PIWIL2: variants seen among roughly 807,000 people sequenced by gnomAD.
PIWIL2 encodes the protein piwi-like protein 2.
A neutral mutation model predicts 116.5 loss-of-function variants in PIWIL2; 81 were observed. That is an observed-to-expected ratio of 0.70 (90% CI 0.58 to 0.84). The LOEUF (loss-of-function observed/expected upper bound fraction) is 0.84. Among genes scored for constraint, PIWIL2 ranks in the 40% least tolerant of loss-of-function variants. PIWIL2 has a pLI of 0.00. For missense variants in PIWIL2, 1,272 were observed against 1,212.3 expected, an observed-to-expected ratio of 1.05 and a Z score of -0.73; for synonymous variants, 489 against 429.5, an observed-to-expected ratio of 1.14 and a Z score of -1.71.
At chr8:22,294,974 G>A (rs1467912254) in intron 10 of PIWIL2, among the ~76,000 whole-genome samples, 2 of 148,206 alleles carry the variant, frequency 1.3e-5, no homozygotes, top group African/African-American at 5.0e-5. Flanking sequence ...AGCTACTCCA[G>A]AGGCTGAGGC....
At chr8:22,335,716 T>TTTG (rs769033434) in intron 20 of PIWIL2, among the ~76,000 whole-genome samples, 4 of 152,092 alleles carry the variant, frequency 2.6e-5, no homozygotes, top group East Asian at 1.9e-4. Context: ...CCCAGCTAAA[T>TTTG]TTGTTGTTGT....
At chr8:22,338,563 G>A (rs1388169084) in intron 20 of PIWIL2, among the ~76,000 whole-genome samples, 1 of 151,884 alleles carries the variant, frequency 6.6e-6, no homozygotes, top group Non-Finnish European at 1.5e-5. Flanking sequence ...GTGGTGGTGC[G>A]TGCCTGTAAT....
chr8:22,283,892 G>A (rs755409335), intron 5 of PIWIL2, among the ~76,000 whole-genome samples: 2 of 152,162 alleles, frequency 1.3e-5, no homozygotes, highest in Non-Finnish European at 2.9e-5. Context: ...ACTCATTCTT[G>A]TGTTCCTAGT....
intron 10 of PIWIL2, among the ~76,000 whole-genome samples, chr8:22,302,283 G>T (rs1831068758): frequency 6.6e-6 from 1 of 152,074 alleles, no homozygotes; most frequent in Admixed American, 6.5e-5. Context: ...CCGGGTTCAA[G>T]TGATTCTCCT....
intron 13 of PIWIL2, among the ~76,000 whole-genome samples, chr8:22,307,257 A>C (rs1831204697): frequency 6.6e-6 from 1 of 151,784 alleles, no homozygotes; most frequent in African/African-American, 2.4e-5. Context: ...CCTGGGCTCA[A>C]GTGATCTGCC....
At chr8:22,295,580 C>CT (rs139679539) in intron 10 of PIWIL2, among the ~76,000 whole-genome samples, 7,537 of 152,170 alleles carry the variant, frequency 0.05, 290 homozygotes, top group Admixed American at 0.086. Flanking sequence ...CATGGACCCT[C>CT]TCAGTGTAGC....
chr8:22,325,839 A>G (rs1343818240), intron 20 of PIWIL2, among the ~76,000 whole-genome samples: 3 of 152,130 alleles, frequency 2.0e-5, no homozygotes, highest in Non-Finnish European at 4.4e-5. Flanking sequence ...CAGGTATGCA[A>G]AATCCAGTCT....
Position 22,330,178 on chromosome 8 carries a change from G to A in PIWIL2, c.2403+11903G>A, listed in dbSNP as rs1019684063. Among the ~76,000 whole-genome samples the A allele has an allele frequency of 7.9e-5, 12 of 151,890 alleles. 1 individual carries two copies. Among genetic ancestry groups the A allele is most frequent in the Middle Eastern group, 6.8e-3 (2 of 294 alleles). On this transcript the variant is annotated intron_variant, in intron 20 of 22. Transcript: ENST00000356766. ...ACTGGATATAATCTCAACTGACATC[G>A]TTTCTGGTTTCCTAATTATTTCTTC... is the stretch of plus-strand genomic sequence containing the variant.
intron 20 of PIWIL2, among the ~76,000 whole-genome samples, chr8:22,338,324 T>TA (rs1254022036): frequency 6.6e-6 from 1 of 152,216 alleles, no homozygotes; most frequent in African/African-American, 2.4e-5. Flanking sequence ...ACACAGTTAT[T>TA]ACACAAAAGT....
At chr8:22,280,978 T>C (rs1160569046) in intron 2 of PIWIL2, 142 bp from the exon 3 acceptor site, 1 of 563,652 alleles carries the variant, frequency 1.8e-6, no homozygotes, top group African/African-American at 1.9e-5. Flanking sequence ...AGGTATTTTT[T>C]AAAGTTTATA....
At chr8:22,317,483 C>T (rs1023449047) in intron 19 of PIWIL2, among the ~76,000 whole-genome samples, 22 of 151,926 alleles carry the variant, frequency 1.4e-4, no homozygotes, top group Non-Finnish European at 1.5e-5. Flanking sequence ...TGTACATTTT[C>T]CTGTATCATT....
At position 22,355,860 on chromosome 8, in the gene PIWIL2, T is replaced by A. The variant is rs565470425; in HGVS notation, c.*355T>A. The A allele has an allele frequency of 4.3e-6, 1 of 231,868 alleles. No individual in the cohort carries two copies. The highest frequency in any genetic ancestry group is 2.2e-5 in the African/African-American group (1 of 45,296). The allele number at this position is 231,868 out of a possible 1,614,324, so 14.4% of individuals were successfully genotyped here. On this transcript the variant is annotated 3_prime_UTR_variant, in exon 23 of 23. Coordinates refer to ENST00000356766, the MANE Select transcript of PIWIL2 (RefSeq NM_018068.5). ...AGGCCGAGGCGGGTGGATCATGAGG[T>A]CAGGAGATCAAGACCATCCTGGCCA...
intron 20 of PIWIL2, among the ~76,000 whole-genome samples, chr8:22,334,717 A>AT (rs1439706297): frequency 6.6e-6 from 1 of 151,984 alleles, no homozygotes; most frequent in Non-Finnish European, 1.5e-5. Flanking sequence ...AAGCACTGGG[A>AT]TTACAGGTAT....
chr8:22,307,604 T>C (rs888574441), intron 13 of PIWIL2, among the ~76,000 whole-genome samples: 6 of 149,378 alleles, frequency 4.0e-5, no homozygotes, highest in Non-Finnish European at 7.4e-5. Flanking sequence ...TGCCTCAGCC[T>C]CCTGAGTAGC....
intron 20 of PIWIL2, among the ~76,000 whole-genome samples, chr8:22,338,706 ATAAAT>A (rs1410271867): frequency 6.6e-6 from 1 of 151,928 alleles, no homozygotes; most frequent in Non-Finnish European, 1.5e-5. Context: ...AAATAAATAA[ATAAAT>A]AAATAAATAA....
rs751752085 is a variant in PIWIL2, at chr8:22,309,738, A to G, written c.1687-223A>G. Among the ~76,000 whole-genome samples, 3 of 152,238 alleles carry G rather than the reference A, an allele frequency of 2.0e-5. No homozygotes were observed. The East Asian group carries it at 5.8e-4, about 29-fold the overall frequency. ...CTTGGGATATCATGTGGAAGCTTCA[A>G]TAATGAAAGACTAGTACCTATAATA... is the stretch of plus-strand genomic sequence containing the variant. On this transcript the variant is annotated intron_variant, in intron 14 of 22. Coordinates refer to ENST00000356766, the MANE Select transcript of PIWIL2 (RefSeq NM_018068.5).
chr8:22,350,090 G>T (rs1407543501), intron 20 of PIWIL2, among the ~76,000 whole-genome samples: 1 of 152,196 alleles, frequency 6.6e-6, no homozygotes, highest in Non-Finnish European at 1.5e-5. Flanking sequence ...GCTAAATGTA[G>T]ATTCTGCAGT....
chr8:22,341,874 A>T (rs1015560502), intron 20 of PIWIL2, among the ~76,000 whole-genome samples: 2 of 151,948 alleles, frequency 1.3e-5, no homozygotes, highest in Non-Finnish European at 2.9e-5. Context: ...ATGATTGTCT[A>T]TGTAGAAAAT....
chr8:22,286,226 A>C (rs1425053466), intron 6 of PIWIL2, among the ~76,000 whole-genome samples: 4 of 152,222 alleles, frequency 2.6e-5, no homozygotes, highest in African/African-American at 7.2e-5. Flanking sequence ...ACAGTTGTAG[A>C]GAAAAAAAAG....
Sources: gnomAD v4.1 joint callset for allele counts (sites outside exome capture counted in the v4.1 genomes callset) on GRCh38, gnomAD v4.1.1 for gene constraint, MANE v1.5 for transcripts, NCBI Gene and HGNC (gene_info 2026-07-23, HGNC 2026-07-21) for gene names.